FRK: variants seen among roughly 807,000 people sequenced by gnomAD.
FRK encodes the protein fyn related Src family tyrosine kinase.
Under a neutral mutation model 56.4 loss-of-function variants are expected in FRK, and 51 were observed. The observed-to-expected ratio is 0.90, with a 90% CI of 0.72 to 1.14. The LOEUF is 1.14. FRK is among the 50% of genes most tolerant of loss of function. The probability of loss-of-function intolerance (pLI) is 0.00; values close to 1 mark genes in which losing one functional copy is unlikely to be tolerated. For missense variants in FRK, 570 were observed against 601.4 expected (o/e 0.95, Z 0.55); for synonymous variants, 245 against 217.9 (o/e 1.12, Z -1.10).
intron 4 of FRK, among the ~76,000 whole-genome samples, chr6:115,957,712 C>T (rs1414222002): frequency 1.3e-5 from 2 of 152,266 alleles, no homozygotes; most frequent in South Asian, 2.1e-4. Context: ...GAGCAGTCTC[C>T]CCTTTGAGAA....
chr6:116,096,012 T>G, the FRK span, among the ~76,000 whole-genome samples: 1 of 152,262 alleles, frequency 6.6e-6, no homozygotes, highest in African/African-American at 2.4e-5. Context: ...GACAGCCATC[T>G]TGCCATTACT....
chr6:116,035,801 C>T (rs1332842312), intron 1 of FRK, among the ~76,000 whole-genome samples: 1 of 152,012 alleles, frequency 6.6e-6, no homozygotes, highest in Non-Finnish European at 1.5e-5. Context: ...GTTGCAACAA[C>T]TACCCGTAAA....
chr6:116,081,484 C>T, the FRK span, among the ~76,000 whole-genome samples: 1 of 151,942 alleles, frequency 6.6e-6, no homozygotes, highest in Non-Finnish European at 1.5e-5. Flanking sequence ...TGGTGAAAAC[C>T]CTGTCTCTAA....
In FRK at chr6:115,941,941, A is replaced by T. The variant is rs1281984541; in HGVS notation, c.*473T>A. 1.3e-5 allele frequency: 2 copies of T among 153,660 alleles called. No homozygotes were observed. The highest frequency in any genetic ancestry group is 2.9e-5 in the Non-Finnish European group (2 of 68,854). The allele number at this position is 153,660 out of a possible 1,614,324, so 9.5% of individuals were successfully genotyped here. A position where few individuals can be genotyped will look rare whatever the true frequency, so the allele number is the denominator to read the frequency against. ...CAGGATATTTTAAAAGAGAAAAAAA[A>T]ATCTCAAAGCACAGGTCCTGCTGTG... On this transcript the variant is annotated 3_prime_UTR_variant, in exon 8 of 8. Transcript: ENST00000606080.
chr6:116,007,491 G>A (rs995221667), intron 1 of FRK, among the ~76,000 whole-genome samples: 1 of 152,182 alleles, frequency 6.6e-6, no homozygotes, highest in African/African-American at 2.4e-5. Flanking sequence ...TGAAGAGGAT[G>A]AGTTGGGAAC....
chr6:115,947,569 A>C (rs563737560), intron 5 of FRK, among the ~76,000 whole-genome samples: 15 of 152,134 alleles, frequency 9.9e-5, no homozygotes, highest in Non-Finnish European at 1.6e-4. Flanking sequence ...CCTGGCTCTT[A>C]AAATCTCCCA....
chr6:116,015,619 T>C (rs540500171), intron 1 of FRK, among the ~76,000 whole-genome samples: 1 of 152,296 alleles, frequency 6.6e-6, no homozygotes, highest in East Asian at 1.9e-4. Flanking sequence ...CCTAGACACT[T>C]GTTGAACAGT....
chr6:115,991,523 T>C (rs1774605028), intron 2 of FRK, among the ~76,000 whole-genome samples: 1 of 151,882 alleles, frequency 6.6e-6, no homozygotes, highest in Admixed American at 6.6e-5. Context: ...TCTATTGAGA[T>C]GGTTGCATAA....
At chr6:115,968,771 T>G (rs200453572) in intron 2 of FRK, 32 bp from the exon 3 acceptor site, 22 of 1,596,764 alleles carry the variant, frequency 1.4e-5, no homozygotes, top group Non-Finnish European at 1.6e-5. Flanking sequence ...GTTAATAAAC[T>G]TCTTGCTAAA....
chr6:115,952,594 A>G (rs1174388990), intron 5 of FRK, among the ~76,000 whole-genome samples: 3 of 151,820 alleles, frequency 2.0e-5, no homozygotes. Context: ...AGGACTATAA[A>G]TCATGCTGCT....
chr6:116,038,684 A>G (rs1776581781), intron 1 of FRK: 1 of 390,402 alleles, frequency 2.6e-6, no homozygotes, highest in South Asian at 2.3e-5. Flanking sequence ...AGAATATCAT[A>G]AAACCTATAA....
chr6:115,995,745 G>A (rs1214939509), intron 2 of FRK, among the ~76,000 whole-genome samples: 1 of 152,148 alleles, frequency 6.6e-6, no homozygotes, highest in East Asian at 1.9e-4. Flanking sequence ...GTATATGTGT[G>A]TGTACAGATG....
the FRK span, among the ~76,000 whole-genome samples, chr6:116,068,501 C>T: frequency 3.6e-4 from 55 of 152,190 alleles, no homozygotes; most frequent in South Asian, 3.5e-3. Flanking sequence ...AAACCAAATG[C>T]TGTATTTTAC....
intron 1 of FRK, among the ~76,000 whole-genome samples, chr6:116,051,463 A>G (rs1327526243): frequency 6.6e-6 from 1 of 152,202 alleles, no homozygotes; most frequent in Non-Finnish European, 1.5e-5. Flanking sequence ...CACAAGGGAC[A>G]GTCTATGACA....
At chr6:116,000,186 CTTTAAG>C (rs1430449491) in intron 2 of FRK, among the ~76,000 whole-genome samples, 8 of 126,778 alleles carry the variant, frequency 6.3e-5, no homozygotes, top group Non-Finnish European at 1.3e-4. Flanking sequence ...GGTAATTCTA[CTTTAAG>C]TTTGTTTTCC....
intron 1 of FRK, among the ~76,000 whole-genome samples, chr6:116,005,126 C>T (rs1162701411): frequency 6.6e-6 from 1 of 152,228 alleles, no homozygotes; most frequent in East Asian, 1.9e-4. Context: ...AAAAGAGAGA[C>T]ATTAACATAT....
chr6:116,084,883 T>G, the FRK span, among the ~76,000 whole-genome samples: 1 of 152,280 alleles, frequency 6.6e-6, no homozygotes, highest in East Asian at 1.9e-4. Context: ...ATTCATAGCT[T>G]TGCAAAAAGA....
rs1775139049 is a variant in FRK, at chr6:116,003,496, G to A, written c.466+381C>T. Among the ~76,000 whole-genome samples the A allele has an allele frequency of 2.0e-5, 3 of 152,258 alleles. No homozygotes were observed. The South Asian group carries it at 6.2e-4, about 32-fold the overall frequency. ...ATTCGTTTTATGTTTAACCAGCAAA[G>A]AGAATTGAAATGCCAGAAGAAGAAA... On this transcript the variant is annotated intron_variant, in intron 2 of 7. Coordinates refer to ENST00000606080, the MANE Select transcript of FRK (RefSeq NM_002031.3).
At position 116,060,250 on chromosome 6, in the gene FRK, G is replaced by A. The variant is rs377628003; in HGVS notation, c.62C>T (p.Thr21Met). Residue 21 changes from threonine (T) to methionine (M), a missense_variant, in exon 1 of 8, where the codon ACG becomes ATG. Physicochemically the swap from Thr to Met is moderately conservative, Grantham distance 81. Transcript: ENST00000606080. ...AATCACGGTTGACTTGTCTGCCTCC[G>A]TGGACAAACAGGGGAGATAGGGTTC... ...YLEPYLPCLS[T>M]EADKSTVIEN... The A allele has an allele frequency of 2.3e-5, 37 of 1,614,042 alleles. No individual in the cohort carries two copies. The highest frequency in any genetic ancestry group is 4.0e-5 in the African/African-American group (3 of 74,900).
Sources: gnomAD v4.1 joint callset for allele counts (sites outside exome capture counted in the v4.1 genomes callset) on GRCh38, gnomAD v4.1.1 for gene constraint, MANE v1.5 for transcripts, NCBI Gene and HGNC (gene_info 2026-07-23, HGNC 2026-07-21) for gene names.